DGKB: variants seen among roughly 807,000 people sequenced by gnomAD.
DGKB encodes the protein 90 kDa diacylglycerol kinase.
DGKB carries 67 observed loss-of-function variants against 114.3 expected under a neutral mutation model. The ratio of observed to expected loss-of-function variants is 0.59; its 90% CI spans 0.48 to 0.72. DGKB has a LOEUF of 0.72. Among genes scored for constraint, DGKB ranks in the 30% least tolerant of loss-of-function variants. The pLI, the probability that DGKB is intolerant of heterozygous loss-of-function variation, is 0.00. For synonymous variants in DGKB, 398 were observed against 323.1 expected, an observed-to-expected ratio of 1.23 and a Z score of -2.49; for missense variants, 907 against 975.2, an observed-to-expected ratio of 0.93 and a Z score of 0.93.
At position 14,443,457 on chromosome 7, in the gene DGKB, G is replaced by C. The variant is rs546451261; in HGVS notation, c.1835+34704C>G. On this transcript the variant is annotated intron_variant, in intron 21 of 25. Transcript: ENST00000402815. ...AAATTAATTAGAAATAAGCTCTCTTGCTTTGTGTAGAAACATATTTTCATT... is the reference window on the plus strand; with the variant it reads ...AAATTAATTAGAAATAAGCTCTCTTCCTTTGTGTAGAAACATATTTTCATT... Among the ~76,000 whole-genome samples, 11 of 152,232 alleles carry C rather than the reference G, an allele frequency of 7.2e-5. No individual in the cohort carries two copies. In the South Asian group the frequency reaches 2.3e-3, roughly 32 times the overall value.
At chr7:14,974,005 C>T (rs1787648727) in intron 1 of DGKB, among the ~76,000 whole-genome samples, 1 of 150,858 alleles carries the variant, frequency 6.6e-6, no homozygotes, top group African/African-American at 2.4e-5. Context: ...GAAGGAATTC[C>T]TCTTATGAGT....
At chr7:14,595,228 G>C (rs181381180) in intron 17 of DGKB, among the ~76,000 whole-genome samples, 1 of 152,230 alleles carries the variant, frequency 6.6e-6, no homozygotes, top group East Asian at 1.9e-4. Flanking sequence ...GATCCTAGGA[G>C]AGTGGTTAGA....
chr7:14,725,749 T>C (rs933106834), intron 5 of DGKB, among the ~76,000 whole-genome samples: 1 of 152,136 alleles, frequency 6.6e-6, no homozygotes, highest in African/African-American at 2.4e-5. Flanking sequence ...AGTTTCACCA[T>C]GTTGGCCAGG....
intron 1 of DGKB, among the ~76,000 whole-genome samples, chr7:14,866,771 T>C (rs1265348393): frequency 3.3e-5 from 5 of 152,300 alleles, no homozygotes; most frequent in South Asian, 4.1e-4. Flanking sequence ...TTGGATCATA[T>C]AGAAAGAATA....
intron 2 of DGKB, among the ~76,000 whole-genome samples, chr7:14,793,155 G>T (rs192372278): frequency 2.0e-4 from 30 of 152,034 alleles, no homozygotes; most frequent in African/African-American, 7.2e-4. Flanking sequence ...TGCTTAATGG[G>T]TTTAATAACA....
chr7:14,662,450 C>T (rs941613510), intron 13 of DGKB, among the ~76,000 whole-genome samples: 4 of 151,742 alleles, frequency 2.6e-5, no homozygotes, highest in East Asian at 1.9e-4. Flanking sequence ...ATTTGTAGGA[C>T]AAAATAACAC....
chr7:14,598,794 T>C (rs1585036636), intron 17 of DGKB, among the ~76,000 whole-genome samples: 1 of 152,312 alleles, frequency 6.6e-6, no homozygotes, highest in East Asian at 1.9e-4. Flanking sequence ...ATTCAAGCCA[T>C]TCACTATACA....
At chr7:14,588,153 T>C (rs1801093062) in intron 17 of DGKB, among the ~76,000 whole-genome samples, 1 of 152,146 alleles carries the variant, frequency 6.6e-6, no homozygotes, top group Non-Finnish European at 1.5e-5. Context: ...TTTCATTTTA[T>C]TTCTTATTTT....
At chr7:14,838,863 A>C (rs1274826939) in intron 2 of DGKB, among the ~76,000 whole-genome samples, 1 of 151,780 alleles carries the variant, frequency 6.6e-6, no homozygotes, top group African/African-American at 2.4e-5. Context: ...GACTTCACTC[A>C]CTCCCTTCAA....
chr7:14,161,227 A>G (rs1783833680), intron 25 of DGKB, among the ~76,000 whole-genome samples: 1 of 152,202 alleles, frequency 6.6e-6, no homozygotes, highest in Non-Finnish European at 1.5e-5. Context: ...AGTGTAAATT[A>G]GTTCAACCAT....
chr7:14,251,764 T>C (rs1017295855), intron 23 of DGKB, among the ~76,000 whole-genome samples: 2 of 152,160 alleles, frequency 1.3e-5, no homozygotes, highest in African/African-American at 4.8e-5. Context: ...TGTTAGGTAT[T>C]ATACTTCTAG....
chr7:14,899,052 G>A (rs1365853962), intron 1 of DGKB, among the ~76,000 whole-genome samples: 2 of 152,016 alleles, frequency 1.3e-5, no homozygotes, highest in East Asian at 1.9e-4. Flanking sequence ...TTGGCTCTAC[G>A]CCCATAACAT....
intron 1 of DGKB, among the ~76,000 whole-genome samples, chr7:14,843,626 G>A (rs951215408): frequency 6.6e-6 from 1 of 152,150 alleles, no homozygotes; most frequent in Non-Finnish European, 1.5e-5. Context: ...GAGCCACCGC[G>A]CCCAGCCAAT....
intron 15 of DGKB, among the ~76,000 whole-genome samples, chr7:14,613,864 C>T (rs1806043443): frequency 6.6e-6 from 1 of 152,032 alleles, no homozygotes; most frequent in African/African-American, 2.4e-5. Context: ...GTGTGGAATC[C>T]ATCTTCCCAA....
rs961248963 is a variant in DGKB at position 14,338,603 on chromosome 7, T to G, written c.2034A>C (p.Lys678Asn). 6.2e-7 allele frequency: 1 copy of G among 1,610,736 alleles called. No homozygotes were observed. The highest frequency in any genetic ancestry group is 8.5e-7 in the Non-Finnish European group (1 of 1,178,166). Reference protein sequence around the residue: ...GGSNLWGESKKRRSHRRIEKK... With the variant: ...GGSNLWGESKNRRSHRRIEKK... ...TCTCTATTCGTCGATGGCTTCGTCT[T>G]TTCTTAGACTCTCCCCAAAGATTGG... The change falls in exon 23 of 26, where the codon AAA (lysine) becomes AAC (asparagine). Residue 678 changes from lysine (K) to asparagine (N), a missense_variant. Coordinates refer to ENST00000402815, the MANE Select transcript of DGKB (RefSeq NM_001350709.2).
intron 20 of DGKB, among the ~76,000 whole-genome samples, chr7:14,572,170 T>A (rs560007258): frequency 5.3e-5 from 8 of 151,806 alleles, no homozygotes; most frequent in Non-Finnish European, 1.0e-4. Flanking sequence ...GAATAAAGTA[T>A]AGGCCGGGCG....
intron 17 of DGKB, among the ~76,000 whole-genome samples, chr7:14,591,500 C>G (rs1222966020): frequency 1.3e-5 from 2 of 152,006 alleles, no homozygotes; most frequent in African/African-American, 2.4e-5. Flanking sequence ...TATTTGAAAG[C>G]AAGCCTATTA....
chr7:14,877,939 A>T (rs1853562289), intron 1 of DGKB, among the ~76,000 whole-genome samples: 1 of 152,132 alleles, frequency 6.6e-6, no homozygotes, highest in Non-Finnish European at 1.5e-5. Context: ...CTTTAGTGCC[A>T]ATTTTTATGT....
At chr7:14,631,279 A>AG (rs1462398499) in intron 13 of DGKB, among the ~76,000 whole-genome samples, 1 of 143,156 alleles carries the variant, frequency 7.0e-6, no homozygotes, top group African/African-American at 3.0e-5. Flanking sequence ...AAAAAAAAAA[A>AG]AAAGAAAAAA....
Sources: allele counts gnomAD v4.1 joint callset (sites outside exome capture counted in the v4.1 genomes callset), GRCh38; gene constraint gnomAD v4.1.1; transcripts MANE v1.5; gene names NCBI Gene and HGNC (gene_info 2026-07-23, HGNC 2026-07-21).